ARHGEF18: variants seen among roughly 807,000 people sequenced by gnomAD.
ARHGEF18 encodes the protein rho guanine nucleotide exchange factor 18.
A neutral mutation model predicts 155.7 loss-of-function variants in ARHGEF18; 93 were observed. The observed-to-expected ratio is 0.60, with a 90% CI of 0.50 to 0.71. ARHGEF18 has a LOEUF of 0.71. Ranked by LOEUF, ARHGEF18 falls within the 30% of genes least tolerant of loss-of-function variation. ARHGEF18 has a pLI of 0.00. For missense variants in ARHGEF18, 1,593 were observed against 1,816.1 expected (o/e 0.88, Z 2.23); for synonymous variants, 742 against 753.1 (o/e 0.99, Z 0.24).
the ARHGEF18 span, chr19:7,478,284 C>T: frequency 6.2e-7 from 1 of 1,603,516 alleles, no homozygotes; most frequent in Admixed American, 1.7e-5. Context: ...AGGGAGTGGG[C>T]CTCCCTGCTG....
chr19:7,430,001 A>G (rs1388373331), intron 10 of ARHGEF18, among the ~76,000 whole-genome samples: 1 of 151,458 alleles, frequency 6.6e-6, no homozygotes, highest in East Asian at 1.9e-4. Flanking sequence ...GCTTGGGAAT[A>G]ATTTTCAGTT....
At chr19:7,456,087 C>T (rs1975808687) in intron 17 of ARHGEF18, among the ~76,000 whole-genome samples, 1 of 152,198 alleles carries the variant, frequency 6.6e-6, no homozygotes, top group South Asian at 2.1e-4. Context: ...GGCGGGAGCC[C>T]TGGTTTGAGC....
At chr19:7,452,070 C>A (rs1478889475) in intron 16 of ARHGEF18, among the ~76,000 whole-genome samples, 4 of 152,206 alleles carry the variant, frequency 2.6e-5, no homozygotes, top group South Asian at 2.1e-4. Flanking sequence ...TGGTCAGCAC[C>A]ATGAAAGCAG....
intron 7 of ARHGEF18, among the ~76,000 whole-genome samples, chr19:7,380,712 G>A (rs1426728427): frequency 6.6e-6 from 1 of 152,026 alleles, no homozygotes; most frequent in Non-Finnish European, 1.5e-5. Context: ...ACATCTTCCT[G>A]CTACACTGAT....
rs150705901 is a variant in ARHGEF18 at position 7,385,915 on chromosome 19, CCT to C, written c.967+2732_967+2733del. Among the ~76,000 whole-genome samples the C allele has an allele frequency of 5.5e-3, 187 of 33,722 alleles. 9 individuals carry two copies. The highest frequency in any genetic ancestry group is 0.044 in the African/African-American group (157 of 3,546). 22.1% of individuals were successfully genotyped at this position (33,722 alleles called of 152,430 possible). ...CCCTCCCTCTCTCTCTCCCTCTCTC[CCT>C]CTCTCTCTCTCTCTCTCTCCCCCTC... is the stretch of plus-strand genomic sequence containing the variant. On this transcript the variant is annotated intron_variant, in intron 10 of 28. Coordinates refer to ENST00000668164, the MANE Select transcript of ARHGEF18 (RefSeq NM_001367823.1).
rs1004006200 is a variant in ARHGEF18 at position 7,463,102 on chromosome 19, G to A, written c.2636-716G>A. On this transcript the variant is annotated intron_variant, in intron 21 of 28. Coordinates refer to ENST00000668164, the MANE Select transcript of ARHGEF18 (RefSeq NM_001367823.1). The surrounding 1 kb of genome is among the most constrained non-coding windows in gnomAD (Gnocchi z 5.2). Reference sequence around the variant, plus strand: ...ACCCTCCTCTGCCTCCCAAGGTGCTGGGATTATAGGCGTGAGCCACCGCGC... The same window carrying A: ...ACCCTCCTCTGCCTCCCAAGGTGCTAGGATTATAGGCGTGAGCCACCGCGC... 6.6e-6 allele frequency among the ~76,000 whole-genome samples: 1 copy of A among 152,154 alleles called. No individual in the cohort carries two copies. The highest frequency in any genetic ancestry group is 2.4e-5 in the African/African-American group (1 of 41,440).
intron 10 of ARHGEF18, among the ~76,000 whole-genome samples, chr19:7,400,066 C>T (rs751232440): frequency 3.9e-5 from 6 of 152,064 alleles, no homozygotes; most frequent in South Asian, 4.1e-4. Flanking sequence ...TCACCATGCA[C>T]GGCTTCATAC....
chr19:7,360,488 G>T (rs765832557), intron 1 of ARHGEF18, among the ~76,000 whole-genome samples: 1 of 152,020 alleles, frequency 6.6e-6, no homozygotes, highest in African/African-American at 2.4e-5. Context: ...CGCCTTCCTC[G>T]GCCTCCCAAA....
At chr19:7,436,304 TCTCA>T (rs1211467720) in intron 10 of ARHGEF18, among the ~76,000 whole-genome samples, 1 of 151,662 alleles carries the variant, frequency 6.6e-6, no homozygotes, top group Non-Finnish European at 1.5e-5. Flanking sequence ...CAAGACAGGA[TCTCA>T]CTCTGCTGCC....
chr19:7,384,461 TG>T (rs1470007498), intron 10 of ARHGEF18, among the ~76,000 whole-genome samples: 1 of 152,210 alleles, frequency 6.6e-6, no homozygotes, highest in Non-Finnish European at 1.5e-5. Flanking sequence ...CAACGTGCCT[TG>T]CAGGTTTTGC....
chr19:7,422,064 T>A (rs997955581), intron 10 of ARHGEF18, among the ~76,000 whole-genome samples: 3 of 152,120 alleles, frequency 2.0e-5, no homozygotes, highest in African/African-American at 7.2e-5. Context: ...TTTCACCCTC[T>A]GCCTTCCTTA....
In ARHGEF18 at chr19:7,452,750, G is replaced by A. The variant is rs184226805; in HGVS notation, c.1856-717G>A. Among the ~76,000 whole-genome samples the A allele has an allele frequency of 1.7e-3, 259 of 151,944 alleles. 1 individual carries two copies. The highest frequency in any genetic ancestry group is 2.1e-3 in the Non-Finnish European group (140 of 67,976). Reference sequence around the variant, plus strand: ...CAGAGTGCTGGGATTACAGGCGTGAGCCACCATGCCCAGCTGGGAGTCTTT... The same window carrying A: ...CAGAGTGCTGGGATTACAGGCGTGAACCACCATGCCCAGCTGGGAGTCTTT... On this transcript the variant is annotated intron_variant, in intron 16 of 28. Transcript: ENST00000668164.
chr19:7,465,622 TG>T (rs201192641), intron 23 of ARHGEF18, among the ~76,000 whole-genome samples: 3,564 of 151,996 alleles, frequency 0.023, 75 homozygotes, highest in South Asian at 0.074. Context: ...TTGCCCAGGC[TG>T]GTTTCCAACT....
intron 10 of ARHGEF18, among the ~76,000 whole-genome samples, chr19:7,409,784 T>A (rs577436764): frequency 0.047 from 6,432 of 135,846 alleles, 523 homozygotes; most frequent in African/African-American, 0.18. Context: ...TTTTTTTTTT[T>A]ATTGAGATGG....
At chr19:7,427,817 A>G (rs1037956223) in intron 10 of ARHGEF18, among the ~76,000 whole-genome samples, 6 of 151,132 alleles carry the variant, frequency 4.0e-5, no homozygotes, top group Non-Finnish European at 5.9e-5. Context: ...GTGTTGGCAC[A>G]CGCCTGTAAT....
chr19:7,427,118 T>G (rs1405624343), intron 10 of ARHGEF18, among the ~76,000 whole-genome samples: 1 of 152,156 alleles, frequency 6.6e-6, no homozygotes, highest in African/African-American at 2.4e-5. Context: ...CCATCTGGCC[T>G]TTTTGCTGTC....
chr19:7,468,207 T>C (rs930642401), intron 26 of ARHGEF18, among the ~76,000 whole-genome samples: 1 of 143,900 alleles, frequency 6.9e-6, no homozygotes, highest in East Asian at 2.1e-4. Flanking sequence ...GCCGTGATCA[T>C]GCCACTGCAC....
chr19:7,410,403 CACAT>C (rs1972605273), intron 10 of ARHGEF18, among the ~76,000 whole-genome samples: 1 of 152,036 alleles, frequency 6.6e-6, no homozygotes, highest in Admixed American at 6.6e-5. Context: ...TATACACACA[CACAT>C]ACATACACAC....
intron 15 of ARHGEF18, among the ~76,000 whole-genome samples, chr19:7,448,243 G>A (rs1418833129): frequency 6.6e-6 from 1 of 152,164 alleles, no homozygotes; most frequent in Non-Finnish European, 1.5e-5. Context: ...GATGGGCACG[G>A]TGGCTCACAC....
Sources: allele counts gnomAD v4.1 joint callset (sites outside exome capture counted in the v4.1 genomes callset), GRCh38; gene constraint gnomAD v4.1.1; non-coding constraint Gnocchi (gnomAD v3.1); transcripts MANE v1.5; gene names NCBI Gene and HGNC (gene_info 2026-07-23, HGNC 2026-07-21).